RBPJ: variants seen among roughly 807,000 people sequenced by gnomAD.
RBPJ encodes recombining binding protein suppressor of hairless.
In RBPJ, 9 loss-of-function variants were observed where a neutral mutation model predicts 67.8. That is an observed-to-expected ratio of 0.13 (90% CI 0.08 to 0.23). The LOEUF is 0.23. Among genes scored for constraint, RBPJ ranks in the 10% least tolerant of loss-of-function variants. RBPJ has a pLI of 1.00. For missense variants in RBPJ, 305 were observed against 595.6 expected, an observed-to-expected ratio of 0.51 and a Z score of 5.08; for synonymous variants, 198 against 203.3, an observed-to-expected ratio of 0.97 and a Z score of 0.22.
chr4:26,256,001 A>T (rs1013995112), intron 1 of RBPJ, among the ~76,000 whole-genome samples: 1 of 152,072 alleles, frequency 6.6e-6, no homozygotes. Context: ...ATACTTAAGC[A>T]TTATTTTTCC....
chr4:26,234,240 C>G (rs1490504286), intron 1 of RBPJ, among the ~76,000 whole-genome samples: 1 of 152,084 alleles, frequency 6.6e-6, no homozygotes, highest in Non-Finnish European at 1.5e-5. Flanking sequence ...TCCTTCATTT[C>G]TTGCCTAAAA....
At chr4:26,221,686 A>G (rs1054816061) in intron 1 of RBPJ, among the ~76,000 whole-genome samples, 3 of 152,254 alleles carry the variant, frequency 2.0e-5, no homozygotes, top group Admixed American at 6.5e-5. Flanking sequence ...AATACTAAAA[A>G]GAGCACCCAG....
chr4:26,368,070 T>G (rs1007272277), intron 1 of RBPJ: 1 of 152,246 alleles, frequency 6.6e-6, no homozygotes, highest in South Asian at 2.1e-4. Context: ...GTTCTCTGAA[T>G]TGGGCATGAT....
chr4:26,128,785 T>C, the RBPJ span, among the ~76,000 whole-genome samples: 1 of 152,216 alleles, frequency 6.6e-6, no homozygotes, highest in African/African-American at 2.4e-5. Context: ...TGAGAGATAA[T>C]AGAATCATGG....
the RBPJ span, among the ~76,000 whole-genome samples, chr4:26,107,096 TA>T: frequency 6.6e-6 from 1 of 152,116 alleles, no homozygotes; most frequent in East Asian, 1.9e-4. Flanking sequence ...GAAAAGTCAG[TA>T]GTAAAAAAGA....
intron 1 of RBPJ, among the ~76,000 whole-genome samples, chr4:26,262,607 G>C (rs987155365): frequency 6.6e-6 from 1 of 152,082 alleles, no homozygotes; most frequent in Non-Finnish European, 1.5e-5. Flanking sequence ...TTCCTGGAGA[G>C]TCCATCCCTG....
At chr4:26,304,940 A>G (rs1054752585) in intron 1 of RBPJ, among the ~76,000 whole-genome samples, 4 of 152,096 alleles carry the variant, frequency 2.6e-5, no homozygotes, top group Non-Finnish European at 1.5e-5. Flanking sequence ...ATGAAGATTT[A>G]CCCCTATACT....
intron 1 of RBPJ, among the ~76,000 whole-genome samples, chr4:26,209,098 A>ACT (rs60595455): frequency 6.8e-6 from 1 of 146,962 alleles, no homozygotes; most frequent in African/African-American, 2.5e-5. Context: ...GAAGAAAAAA[A>ACT]ATATATATAT....
At chr4:26,422,257 G>A (rs1735219089) in intron 5 of RBPJ, among the ~76,000 whole-genome samples, 1 of 151,100 alleles carries the variant, frequency 6.6e-6, no homozygotes, top group Admixed American at 6.6e-5. Context: ...TAGTTCAGCT[G>A]TTGTAAGTCT....
At chr4:26,135,823 C>G in the RBPJ span, among the ~76,000 whole-genome samples, 4 of 152,164 alleles carry the variant, frequency 2.6e-5, no homozygotes, top group African/African-American at 9.7e-5. Context: ...CTGAAGAGGT[C>G]AACCCCACAT....
intron 1 of RBPJ, among the ~76,000 whole-genome samples, chr4:26,230,810 A>ATT (rs1274166016): frequency 2.0e-5 from 3 of 152,082 alleles, no homozygotes; most frequent in Non-Finnish European, 4.4e-5. Flanking sequence ...CACAAAATAT[A>ATT]TTTATAGCAA....
chr4:26,333,639 C>T (rs1349111490), intron 1 of RBPJ, among the ~76,000 whole-genome samples: 2 of 152,126 alleles, frequency 1.3e-5, no homozygotes, highest in Non-Finnish European at 2.9e-5. Flanking sequence ...TTCTTCCTGC[C>T]TCATCCTCCT....
chr4:26,154,401 A>G, the RBPJ span, among the ~76,000 whole-genome samples: 10 of 152,156 alleles, frequency 6.6e-5, no homozygotes, highest in Non-Finnish European at 1.3e-4. Context: ...TAGGTACTCA[A>G]TGAATATTCG....
upstream of RBPJ, among the ~76,000 whole-genome samples, chr4:26,159,736 T>C (rs1030943921): frequency 6.6e-6 from 1 of 152,128 alleles, no homozygotes; most frequent in African/African-American, 2.4e-5. Flanking sequence ...TAAAGTACAG[T>C]GGCTAAAGGA....
chr4:26,308,144 C>T (rs1247136375), intron 1 of RBPJ, among the ~76,000 whole-genome samples: 1 of 152,064 alleles, frequency 6.6e-6, no homozygotes, highest in African/African-American at 2.4e-5. Flanking sequence ...GGCGTGGTGG[C>T]GGGCGCCTGT....
chr4:26,431,199 A>AAAAAAAAAAAAAG lies in RBPJ; in HGVS notation c.*202_*214dup. 2.5e-6 allele frequency: 1 copy of AAAAAAAAAAAAAG among 395,712 alleles called. No homozygotes were observed. The allele number at this position is 395,712 out of a possible 1,614,324, so 24.5% of individuals were successfully genotyped here. A position where few individuals can be genotyped will look rare whatever the true frequency, so the allele number is the denominator to read the frequency against. ...GAAGCCACAGTAAAAAAAAAAAAAA[A>AAAAAAAAAAAAAG]AAAAAAAAAAAAGAAAAAAAAATCA... On this transcript the variant is annotated 3_prime_UTR_variant, in exon 11 of 11. Coordinates refer to ENST00000355476, the MANE Select transcript of RBPJ (RefSeq NM_015874.6).
At chr4:26,201,553 C>G (rs1023869392) in intron 1 of RBPJ, among the ~76,000 whole-genome samples, 3 of 152,142 alleles carry the variant, frequency 2.0e-5, no homozygotes, top group Non-Finnish European at 4.4e-5. Context: ...TGCAAAACCC[C>G]CACCGTTCTC....
chr4:26,141,520 A>G, the RBPJ span, among the ~76,000 whole-genome samples: 1 of 152,222 alleles, frequency 6.6e-6, no homozygotes, highest in African/African-American at 2.4e-5. Context: ...ATTTTTTTTA[A>G]CTGACACATA....
At chr4:26,210,876 C>T (rs762929214) in intron 1 of RBPJ, among the ~76,000 whole-genome samples, 5 of 150,320 alleles carry the variant, frequency 3.3e-5, no homozygotes, top group African/African-American at 7.4e-5. Context: ...TACTTTCAAC[C>T]GAAGAGCCTG....
Sources: gnomAD v4.1 joint callset for allele counts (sites outside exome capture counted in the v4.1 genomes callset) on GRCh38, gnomAD v4.1.1 for gene constraint, MANE v1.5 for transcripts, NCBI Gene and HGNC (gene_info 2026-07-23, HGNC 2026-07-21) for gene names.